The following DPP6 variants were observed in gnomAD, a reference collection of about 807,000 sequenced individuals.
The protein encoded by DPP6 is A-type potassium channel modulatory protein DPP6.
A neutral mutation model predicts 122.6 loss-of-function variants in DPP6; 69 were observed. That is an observed-to-expected ratio of 0.56 (90% confidence interval 0.46 to 0.69). DPP6 has a LOEUF of 0.69. Ranked by LOEUF, DPP6 falls within the 30% of genes least tolerant of loss-of-function variation. The pLI, the probability that DPP6 is intolerant of heterozygous loss-of-function variation, is 0.00. For synonymous variants in DPP6, 418 were observed against 433.1 expected (o/e 0.97, Z 0.43); for missense variants, 928 against 1,116.9 (o/e 0.83, Z 2.41).
Position 154,060,493 on chromosome 7 carries a change from A to G in DPP6, c.243+7430A>G, listed in dbSNP as rs573487408. 5.3e-4 allele frequency among the ~76,000 whole-genome samples: 71 copies of G among 134,426 alleles called. 10 individuals are homozygous for G. Among genetic ancestry groups the G allele is most frequent in the African/African-American group, 2.0e-3 (66 of 33,164 alleles). The allele number at this position is 134,426 out of a possible 152,430, so 88.2% of individuals were successfully genotyped here. Reference sequence around the variant, plus strand: ...CTTAGGACCTCCATCGTTGATCCTAAGATCCTTAGGACCCACCTGGAGGAC... The same window carrying G: ...CTTAGGACCTCCATCGTTGATCCTAGGATCCTTAGGACCCACCTGGAGGAC... On this transcript the variant is annotated intron_variant, in intron 1 of 25. Coordinates refer to ENST00000377770, the MANE Select transcript of DPP6 (RefSeq NM_130797.4).
chr7:154,074,043 G>GTATGTATGTATCTATC (rs1554453882), intron 1 of DPP6, among the ~76,000 whole-genome samples: 2 of 148,402 alleles, frequency 1.3e-5, no homozygotes, highest in Admixed American at 6.7e-5. Flanking sequence ...ATGTATGTAA[G>GTATGTATGTATCTATC]TATCTATCTA....
At chr7:153,859,026 G>A in the DPP6 span, among the ~76,000 whole-genome samples, 1 of 152,146 alleles carries the variant, frequency 6.6e-6, no homozygotes, top group East Asian at 1.9e-4. Flanking sequence ...TTCCCTATTA[G>A]GCTGGGTCTT....
intron 1 of DPP6, among the ~76,000 whole-genome samples, chr7:154,283,695 C>T (rs941877615): frequency 2.0e-5 from 3 of 152,284 alleles, no homozygotes; most frequent in Non-Finnish European, 2.9e-5. Flanking sequence ...ATGATCTCGA[C>T]GATCTTGCTA....
chr7:154,887,557 G>A lies in DPP6; in HGVS notation c.2246-119G>A, dbSNP rs982175536. The A allele has an allele frequency of 4.2e-6, 4 of 952,578 alleles. No individual in the cohort carries two copies. In the African/African-American group the frequency reaches 4.9e-5, roughly 12 times the overall value. 59.0% of individuals were successfully genotyped at this position (952,578 alleles called of 1,614,324 possible). ...CAACAATCTGCCACACAAGTGGCAA[G>A]TGGGAATGAGCCTGAGTCCTCACCC... is the stretch of plus-strand genomic sequence containing the variant. On this transcript the variant is annotated intron_variant, in intron 22 of 25. Coordinates refer to ENST00000377770, the MANE Select transcript of DPP6 (RefSeq NM_130797.4).
chr7:154,610,701 T>C (rs1192147262), intron 5 of DPP6, among the ~76,000 whole-genome samples: 2 of 134,790 alleles, frequency 1.5e-5, no homozygotes, highest in Non-Finnish European at 3.2e-5. Flanking sequence ...GTGTCTGTGT[T>C]GTTCTCTGTG....
At chr7:153,875,095 C>T in the DPP6 span, among the ~76,000 whole-genome samples, 1 of 152,044 alleles carries the variant, frequency 6.6e-6, no homozygotes, top group Non-Finnish European at 1.5e-5. Context: ...AAACTGAAGA[C>T]AAGAGGAAGT....
At chr7:154,682,167 A>G (rs1272590673) in intron 7 of DPP6, among the ~76,000 whole-genome samples, 1 of 152,262 alleles carries the variant, frequency 6.6e-6, no homozygotes, top group East Asian at 1.9e-4. Context: ...AGCAGTTCAG[A>G]TTCAGTTCAG....
chr7:154,556,311 C>G (rs1416636012), intron 4 of DPP6, among the ~76,000 whole-genome samples: 2 of 152,130 alleles, frequency 1.3e-5, no homozygotes, highest in Non-Finnish European at 2.9e-5. Flanking sequence ...GGATATGAAT[C>G]ACAGTCTGTC....
chr7:154,073,269 A>G (rs1412970872), intron 1 of DPP6, among the ~76,000 whole-genome samples: 4 of 152,204 alleles, frequency 2.6e-5, no homozygotes, highest in East Asian at 1.9e-4. Flanking sequence ...ATGGCCTTCC[A>G]TGGTCCTCTG....
At chr7:154,062,286 C>T (rs1355250803) in intron 1 of DPP6, among the ~76,000 whole-genome samples, 1 of 83,032 alleles carries the variant, frequency 1.2e-5, no homozygotes, top group Non-Finnish European at 2.4e-5. Flanking sequence ...GAGAGCCAGT[C>T]CCTCTTCCCC....
chr7:154,870,166 G>GTTTT (rs1563304420), intron 18 of DPP6, among the ~76,000 whole-genome samples: 1 of 116,982 alleles, frequency 8.5e-6, no homozygotes. Context: ...TTTTTTTTTC[G>GTTTT]TAGAGACAGG....
chr7:154,308,949 CATGCGTATGCACACACAAACAA>C (rs1806608006), intron 1 of DPP6, among the ~76,000 whole-genome samples: 1 of 152,122 alleles, frequency 6.6e-6, no homozygotes, highest in Non-Finnish European at 1.5e-5. Flanking sequence ...TATGTGTGTG[CATGCGTATGCACACACAAACAA>C]ATGCACACAC....
chr7:153,876,690 A>G, the DPP6 span, among the ~76,000 whole-genome samples: 1 of 152,052 alleles, frequency 6.6e-6, no homozygotes, highest in African/African-American at 2.4e-5. Context: ...TACTTTATGA[A>G]CCCAACATTC....
At chr7:154,802,445 A>T (rs1241561743) in intron 13 of DPP6, among the ~76,000 whole-genome samples, 1 of 152,142 alleles carries the variant, frequency 6.6e-6, no homozygotes, top group African/African-American at 2.4e-5. Context: ...ATTTTTTCTC[A>T]GTGCACTTCA....
At chr7:154,510,936 G>GCACACAAACACACACACA (rs1187638890) in intron 3 of DPP6, among the ~76,000 whole-genome samples, 1 of 145,090 alleles carries the variant, frequency 6.9e-6, no homozygotes, top group African/African-American at 2.6e-5. Context: ...ACACACACAT[G>GCACACAAACACACACACA]CACACACACA....
chr7:153,989,202 T>G, intron 1 of DPP6, among the ~76,000 whole-genome samples: 2 of 127,414 alleles, frequency 1.6e-5, no homozygotes, highest in African/African-American at 3.0e-5. Flanking sequence ...AGTGGGTGGG[T>G]GGGTGTGAAA....
At chr7:154,447,275 C>T (rs964604046) in intron 2 of DPP6, among the ~76,000 whole-genome samples, 1 of 152,116 alleles carries the variant, frequency 6.6e-6, no homozygotes, top group African/African-American at 2.4e-5. Flanking sequence ...CATTGCACTC[C>T]AGCCTGGGCA....
chr7:153,975,585 T>A (rs80324402), intron 1 of DPP6, among the ~76,000 whole-genome samples: 1 of 143,680 alleles, frequency 7.0e-6, no homozygotes, highest in African/African-American at 2.5e-5. Flanking sequence ...AGAGTTCTAT[T>A]TTTTTTTTTT....
chr7:154,683,584 C>A (rs907435008), intron 7 of DPP6, among the ~76,000 whole-genome samples: 1 of 152,182 alleles, frequency 6.6e-6, no homozygotes, highest in Non-Finnish European at 1.5e-5. Context: ...GAATGTTCTC[C>A]ATCTCTCACT....
Sources: gnomAD v4.1 joint callset for allele counts (sites outside exome capture counted in the v4.1 genomes callset) on GRCh38, gnomAD v4.1.1 for gene constraint, MANE v1.5 for transcripts, NCBI Gene and HGNC (gene_info 2026-07-23, HGNC 2026-07-21) for gene names.